CCDC3: variants seen among roughly 807,000 people sequenced by gnomAD.
The protein encoded by CCDC3 is coiled-coil domain-containing protein 3.
CCDC3 carries 24 observed loss-of-function variants against 21.4 expected under a neutral mutation model. The observed-to-expected ratio is 1.12, with a 90% confidence interval of 0.81 to 1.58. The LOEUF (loss-of-function observed/expected upper bound fraction) is 1.58. Among genes scored for constraint, CCDC3 ranks in the 40% most tolerant of loss-of-function variants. The pLI is 0.00. For synonymous variants in CCDC3, 186 were observed against 166.0 expected (o/e 1.12, Z -0.93); for missense variants, 425 against 360.9 (o/e 1.18, Z -1.44).
intron 2 of CCDC3, among the ~76,000 whole-genome samples, chr10:12,990,113 G>T (rs11598408): frequency 6.6e-6 from 1 of 151,720 alleles, no homozygotes; most frequent in African/African-American, 2.4e-5. Flanking sequence ...TTAGCCGGGC[G>T]TGGTGGCAGG....
At chr10:13,013,247 C>G (rs914331541) in intron 5 of CCDC3, among the ~76,000 whole-genome samples, 22 of 152,246 alleles carry the variant, frequency 1.4e-4, no homozygotes, top group African/African-American at 5.1e-4. Flanking sequence ...TAAAAAGAAC[C>G]AGGACTCTGG....
chr10:13,084,287 CT>C (rs61688783), intron 3 of CCDC3, among the ~76,000 whole-genome samples: 117 of 102,178 alleles, frequency 1.1e-3, no homozygotes, highest in Non-Finnish European at 1.4e-3. Flanking sequence ...CTTTTCTTTT[CT>C]TTTTTTTTTT....
At chr10:13,009,618 A>G (rs1326369720) in intron 5 of CCDC3, among the ~76,000 whole-genome samples, 1 of 152,240 alleles carries the variant, frequency 6.6e-6, no homozygotes, top group Non-Finnish European at 1.5e-5. Flanking sequence ...ACCCATAAAT[A>G]TATAGATAAC....
intron 3 of CCDC3, among the ~76,000 whole-genome samples, chr10:13,077,266 C>T (rs1276715737): frequency 6.6e-6 from 1 of 152,124 alleles, no homozygotes; most frequent in African/African-American, 2.4e-5. Flanking sequence ...ACAATTGCTT[C>T]AAATAGAATA....
At chr10:12,902,295 G>T (rs1834106777) in intron 2 of CCDC3, among the ~76,000 whole-genome samples, 1 of 152,164 alleles carries the variant, frequency 6.6e-6, no homozygotes, top group Admixed American at 6.5e-5. Flanking sequence ...GTGCAACACT[G>T]CCCTCTTCTG....
chr10:13,004,611 C>G (rs538695926), upstream of CCDC3, among the ~76,000 whole-genome samples: 1 of 132,940 alleles, frequency 7.5e-6, no homozygotes, highest in African/African-American at 2.8e-5. Flanking sequence ...CAACCTGCCA[C>G]CAGGTGGCTG....
chr10:13,054,722 C>T (rs1400959199), intron 4 of CCDC3, among the ~76,000 whole-genome samples: 1 of 152,146 alleles, frequency 6.6e-6, no homozygotes, highest in Non-Finnish European at 1.5e-5. Flanking sequence ...GGCTGGAGGG[C>T]AGTGGTGTGA....
At position 12,914,548 on chromosome 10, in the gene CCDC3, G is replaced by A. The variant is rs112659527; in HGVS notation, c.550-15869C>T. On this transcript the variant is annotated intron_variant, in intron 2 of 2. Coordinates refer to ENST00000378825, the MANE Select transcript of CCDC3 (RefSeq NM_031455.4). The stretch of plus-strand genomic sequence containing the variant: ...GCAACCTCCGCCTCCTGGGTCAAGC[G>A]ATTCGCCTGCCTCAGCCTCCCAAGC... Among the ~76,000 whole-genome samples the A allele has an allele frequency of 9.8e-3, 1,489 of 152,106 alleles. 7 individuals carry two copies. Among genetic ancestry groups the A allele is most frequent in the Non-Finnish European group, 0.015 (1,012 of 67,998 alleles).
chr10:12,945,402 G>GA (rs1379067450), intron 2 of CCDC3, among the ~76,000 whole-genome samples: 1 of 150,474 alleles, frequency 6.6e-6, no homozygotes, highest in Non-Finnish European at 1.5e-5. Flanking sequence ...TCCACAGTGA[G>GA]AAAAAAAGTA....
chr10:12,899,215 G>A (rs1007138003), intron 2 of CCDC3, among the ~76,000 whole-genome samples: 2 of 151,770 alleles, frequency 1.3e-5, no homozygotes, highest in Admixed American at 6.6e-5. Context: ...TCACAGGAAA[G>A]AAAACGCCAG....
rs547852026 is a variant in CCDC3, at chr10:12,952,525, A to G, written c.549+45813T>C. On this transcript the variant is annotated intron_variant, in intron 2 of 2. Transcript: ENST00000378825. Reference sequence around the variant, plus strand: ...CATTCCATCATCTAGAATAACTCCCAGACTAGCCCATGATGTGTCTTCACA... The same window carrying G: ...CATTCCATCATCTAGAATAACTCCCGGACTAGCCCATGATGTGTCTTCACA... 2.4e-4 allele frequency among the ~76,000 whole-genome samples: 37 copies of G among 152,296 alleles called. 1 individual carries two copies. Among genetic ancestry groups the G allele is most frequent in the Middle Eastern group, 3.4e-3 (1 of 294 alleles).
chr10:13,071,010 C>T (rs73573844), intron 4 of CCDC3, among the ~76,000 whole-genome samples: 2,830 of 152,166 alleles, frequency 0.019, 93 homozygotes, highest in African/African-American at 0.064. Context: ...GGATGGGTGA[C>T]GTAAAAATCT....
intron 3 of CCDC3, among the ~76,000 whole-genome samples, chr10:13,093,666 G>A (rs920850863): frequency 3.3e-5 from 5 of 152,024 alleles, no homozygotes; most frequent in East Asian, 1.9e-4. Context: ...AGGCCTAGGG[G>A]TGAGTTCTCA....
chr10:12,972,337 C>T (rs141401383), intron 2 of CCDC3, among the ~76,000 whole-genome samples: 13 of 152,348 alleles, frequency 8.5e-5, no homozygotes, highest in African/African-American at 2.6e-4. Context: ...GCCCCAGGCA[C>T]ACCCTTGGGC....
chr10:13,071,074 A>T (rs1374144394), intron 4 of CCDC3, among the ~76,000 whole-genome samples: 1 of 152,178 alleles, frequency 6.6e-6, no homozygotes, highest in Non-Finnish European at 1.5e-5. Flanking sequence ...CAGGTGATGA[A>T]AATAAATAGG....
At chr10:12,922,789 C>G (rs1834472213) in intron 2 of CCDC3, among the ~76,000 whole-genome samples, 1 of 152,166 alleles carries the variant, frequency 6.6e-6, no homozygotes, top group Admixed American at 6.5e-5. Flanking sequence ...TTGGCTGAGT[C>G]TGGCAGAAAA....
intron 2 of CCDC3, among the ~76,000 whole-genome samples, chr10:12,983,494 C>A (rs12247129): frequency 0.015 from 2,324 of 151,152 alleles, 65 homozygotes; most frequent in African/African-American, 0.053. Flanking sequence ...TCATTTGAGC[C>A]TGGGAGGTAG....
At chr10:12,971,038 C>T (rs1050211343) in intron 2 of CCDC3, among the ~76,000 whole-genome samples, 3 of 152,176 alleles carry the variant, frequency 2.0e-5, no homozygotes, top group Non-Finnish European at 4.4e-5. Context: ...AATGTCAAGG[C>T]TTAAATATAA....
At chr10:13,026,184 A>G (rs914010466) in intron 5 of CCDC3, among the ~76,000 whole-genome samples, 2 of 152,108 alleles carry the variant, frequency 1.3e-5, no homozygotes, top group African/African-American at 4.8e-5. Flanking sequence ...TGTCTCAAAA[A>G]TAAATAAAAA....
Sources: gnomAD v4.1 joint callset for allele counts (sites outside exome capture counted in the v4.1 genomes callset) on GRCh38, gnomAD v4.1.1 for gene constraint, MANE v1.5 for transcripts, NCBI Gene and HGNC (gene_info 2026-07-23, HGNC 2026-07-21) for gene names.